The following NSMCE1 variants were observed in gnomAD, a reference collection of about 807,000 sequenced individuals.
NSMCE1 encodes NSE1 component of SMC5/6 complex.
Under a neutral mutation model 29.6 loss-of-function variants are expected in NSMCE1, and 18 were observed. The observed-to-expected ratio is 0.61, with a 90% CI of 0.42 to 0.90. The LOEUF is 0.90. Ranked by LOEUF, NSMCE1 falls within the 40% of genes least tolerant of loss-of-function variation. NSMCE1 has a pLI of 0.00. For synonymous variants in NSMCE1, 124 were observed against 133.4 expected (o/e 0.93, Z 0.49); for missense variants, 314 against 343.6 (o/e 0.91, Z 0.68).
chr16:27,268,291 G>C (rs1469701445), intron 1 of NSMCE1: 1 of 152,136 alleles, frequency 6.6e-6, no homozygotes, highest in Non-Finnish European at 1.5e-5. Flanking sequence ...GAGGGCGGCG[G>C]GACAAAGAGG....
At chr16:27,252,185 C>T (rs1279963725) in intron 2 of NSMCE1, among the ~76,000 whole-genome samples, 1 of 152,162 alleles carries the variant, frequency 6.6e-6, no homozygotes, top group Non-Finnish European at 1.5e-5. Flanking sequence ...TCTAATGAGG[C>T]AACTCTTGGC....
chr16:27,259,144 T>A (rs1278310501), intron 1 of NSMCE1, among the ~76,000 whole-genome samples: 1 of 152,020 alleles, frequency 6.6e-6, no homozygotes, highest in Non-Finnish European at 1.5e-5. Context: ...TAGAAAAATA[T>A]CCTCCATCTC....
At chr16:27,267,205 TATTAA>T (rs1177931745) in intron 1 of NSMCE1, among the ~76,000 whole-genome samples, 1 of 152,138 alleles carries the variant, frequency 6.6e-6, no homozygotes, top group Non-Finnish European at 1.5e-5. Context: ...TTAAATTTAT[TATTAA>T]ATTAATTAAA....
Position 27,232,491 on chromosome 16 carries a change from A to G in NSMCE1, c.483+510T>C, listed in dbSNP as rs1166904257. On this transcript the variant is annotated intron_variant, in intron 5 of 7. Transcript: ENST00000361439. This position sits in a 1 kb window ranked among gnomAD's most constrained non-coding sequence, Gnocchi z 4.5. ...ACTGCTGACAAAAACAACAGTGGTA[A>G]TGTCACCAATTCCTCTGCCGCCTCC... Among the ~76,000 whole-genome samples the G allele has an allele frequency of 6.6e-6, 1 of 152,124 alleles. No individual in the cohort carries two copies. The highest frequency in any genetic ancestry group is 1.5e-5 in the Non-Finnish European group (1 of 68,026).
intron 2 of NSMCE1, among the ~76,000 whole-genome samples, chr16:27,247,230 T>C (rs2083967416): frequency 6.6e-6 from 1 of 152,190 alleles, no homozygotes; most frequent in African/African-American, 2.4e-5. Context: ...ATGGGGGCAG[T>C]TACCCTCATG....
Position 27,227,067 on chromosome 16 carries a change from C to A in NSMCE1, c.484-231G>T, listed in dbSNP as rs112922179. On this transcript the variant is annotated intron_variant, in intron 5 of 7. Coordinates refer to ENST00000361439, the MANE Select transcript of NSMCE1 (RefSeq NM_145080.4). ...GGAGGCGTGGCTCCCTGACACCCGCCTTTTCTCAGCATCTGCTGTGCCTTC... is the reference window on the plus strand; with the variant it reads ...GGAGGCGTGGCTCCCTGACACCCGCATTTTCTCAGCATCTGCTGTGCCTTC... Among the ~76,000 whole-genome samples, 1,002 of 152,372 alleles carry A rather than the reference C, an allele frequency of 6.6e-3. 5 individuals carry two copies. Among genetic ancestry groups the A allele is most frequent in the African/African-American group, 0.022 (931 of 41,586 alleles).
Position 27,234,269 on chromosome 16 carries a change from A to G in NSMCE1, c.259-4T>C, listed in dbSNP as rs2083794895. 6.2e-7 allele frequency: 1 copy of G among 1,606,174 alleles called. No individual in the cohort carries two copies. Among genetic ancestry groups the G allele is most frequent in the South Asian group, 1.1e-5 (1 of 90,920 alleles). ...TTGAAGTTGTAGCAAGATTCACCTA[A>G]GAAATAAGTCAGCACGACAGTCAGG... On this transcript the variant is annotated splice_region_variant and splice_polypyrimidine_tract_variant and intron_variant, in intron 3 of 7. Transcript: ENST00000361439.
chr16:27,229,726 G>A (rs1028805433), intron 5 of NSMCE1, among the ~76,000 whole-genome samples: 4 of 152,054 alleles, frequency 2.6e-5, no homozygotes, highest in Admixed American at 6.6e-5. Flanking sequence ...ACAGATGCCC[G>A]CCACCACACC....
rs1445527493 is a variant in NSMCE1, at chr16:27,226,541, G to A, written c.600+179C>T. ...GGAGGGCGGCAGTGCGTCCCTGCGG[G>A]GCACAGCAGGGAGGCGTCCTGACAC... On this transcript the variant is annotated intron_variant, in intron 6 of 7. Transcript: ENST00000361439. The A allele has an allele frequency of 2.7e-5, 15 of 565,484 alleles. No individual in the cohort carries two copies. In the East Asian group the frequency reaches 4.1e-4, roughly 15 times the overall value. The allele number at this position is 565,484 out of a possible 1,614,324, so 35.0% of individuals were successfully genotyped here. A position where few individuals can be genotyped will look rare whatever the true frequency, so the allele number is the denominator to read the frequency against.
rs745788378 is a variant in NSMCE1 at position 27,236,803 on chromosome 16, G to C, written c.137-1504C>G. Among the ~76,000 whole-genome samples, 7 of 152,300 alleles carry C rather than the reference G, an allele frequency of 4.6e-5. 1 individual carries two copies. The Middle Eastern group carries it at 0.024, about 518-fold the overall frequency. On this transcript the variant is annotated intron_variant, in intron 2 of 7. Transcript: ENST00000361439. ...AGTCCCACAGGAAAAGGCCCAGCAG[G>C]TTACCCACTGGACTGACGACCAAGG... is the stretch of plus-strand genomic sequence containing the variant.
intron 1 of NSMCE1, among the ~76,000 whole-genome samples, chr16:27,264,767 T>G (rs1369470594): frequency 6.6e-6 from 1 of 152,142 alleles, no homozygotes; most frequent in African/African-American, 2.4e-5. Context: ...AGGAATATAC[T>G]GATAAACTTG....
At position 27,257,526 on chromosome 16, in the gene NSMCE1, G is replaced by A. The variant is rs768945923; in HGVS notation, c.45C>T (p.His15=). The A allele has an allele frequency of 6.2e-7, 1 of 1,613,990 alleles. No homozygotes were observed. Among genetic ancestry groups the A allele is most frequent in the Non-Finnish European group, 8.5e-7 (1 of 1,179,918 alleles). Residue 15 remains histidine (H), a synonymous_variant, in exon 2 of 8, where the codon CAC becomes CAT. Transcript: ENST00000361439. ...TCATCAGCAACTGGAGGAAGCGCCG[G>A]TGGACATCAGTCATGACGCCCATTC... ...TRRMGVMTDV[H]RRFLQLLMTH... is the part of the protein sequence containing the mutation.
At chr16:27,225,363 C>G in intron 7 of NSMCE1, 127 bp from the exon 8 acceptor site, 2 of 665,444 alleles carry the variant, frequency 3.0e-6, no homozygotes, top group Non-Finnish European at 5.5e-6. Flanking sequence ...TCCTTCACTG[C>G]TAACCCTCCC....
At chr16:27,242,352 CACAGA>C (rs2140998131) in intron 2 of NSMCE1, among the ~76,000 whole-genome samples, 1 of 152,320 alleles carries the variant, frequency 6.6e-6, no homozygotes, top group African/African-American at 2.4e-5. Flanking sequence ...GAGATCTGTA[CACAGA>C]GTTCTTTTCT....
intron 3 of NSMCE1, among the ~76,000 whole-genome samples, 187 bp from the exon 4 acceptor site, chr16:27,234,452 C>G (rs2083797407): frequency 1.3e-5 from 2 of 152,194 alleles, no homozygotes; most frequent in South Asian, 4.1e-4. Flanking sequence ...TTAGCTCAGC[C>G]AACATGCTGG....
intron 2 of NSMCE1, among the ~76,000 whole-genome samples, chr16:27,245,532 G>A (rs949177376): frequency 6.6e-6 from 1 of 152,224 alleles, no homozygotes; most frequent in African/African-American, 2.4e-5. Context: ...GGACTCCCAG[G>A]CTGCAGACAT....
At chr16:27,264,721 G>A (rs2084201325) in intron 1 of NSMCE1, among the ~76,000 whole-genome samples, 4 of 152,114 alleles carry the variant, frequency 2.6e-5, no homozygotes, top group African/African-American at 2.4e-5. Flanking sequence ...GGTAGGGAAG[G>A]ATTTCTTTAA....
At position 27,252,385 on chromosome 16, in the gene NSMCE1, G is replaced by A. The variant is rs80323726; in HGVS notation, c.136+5050C>T. 8.6e-3 allele frequency among the ~76,000 whole-genome samples: 1,310 copies of A among 152,272 alleles called. 7 individuals carry two copies. The highest frequency in any genetic ancestry group is 0.013 in the Admixed American group (202 of 15,292). On this transcript the variant is annotated intron_variant, in intron 2 of 7. Coordinates refer to ENST00000361439, the MANE Select transcript of NSMCE1 (RefSeq NM_145080.4). ...TAGAAACCCAGGAATGGCCAGGCAC[G>A]GTGGCTAAATAAATATTTCAAATCA...
rs1050299673 is a variant in NSMCE1, at chr16:27,235,298, G to A, written c.138C>T (p.Arg46=). The A allele has an allele frequency of 6.2e-7, 1 of 1,612,888 alleles. No individual in the cohort carries two copies. The highest frequency in any genetic ancestry group is 8.5e-7 in the Non-Finnish European group (1 of 1,179,788). The change falls in exon 3 of 8, where the codon CGC becomes CGT. Residue 46 remains arginine (R), a splice_region_variant and synonymous_variant. Coordinates refer to ENST00000361439, the MANE Select transcript of NSMCE1 (RefSeq NM_145080.4). The part of the protein sequence containing the change: ...LQTHCYKVHD[R]NATVDKLEDF... Reference sequence around the variant, plus strand: ...CCTCCAACTTATCTACGGTGGCATTGCCTGGAAATAAACAGACCAAAAAAA... The same window carrying A: ...CCTCCAACTTATCTACGGTGGCATTACCTGGAAATAAACAGACCAAAAAAA...
Sources: gnomAD v4.1 joint callset for allele counts (sites outside exome capture counted in the v4.1 genomes callset) on GRCh38, gnomAD v4.1.1 for gene constraint, Gnocchi (gnomAD v3.1) non-coding constraint, MANE v1.5 for transcripts, NCBI Gene and HGNC (gene_info 2026-07-23, HGNC 2026-07-21) for gene names.